SLC22A15: variants seen among roughly 807,000 people sequenced by gnomAD.
The protein encoded by SLC22A15 is solute carrier family 22 member 15.
Under a neutral mutation model 62.7 loss-of-function variants are expected in SLC22A15, and 45 were observed. The observed-to-expected ratio is 0.72, with a 90% CI of 0.56 to 0.92. The LOEUF (loss-of-function observed/expected upper bound fraction) is 0.92. Ranked by LOEUF, SLC22A15 falls within the 40% of genes least tolerant of loss-of-function variation. The pLI is 0.00. For synonymous variants in SLC22A15, 264 were observed against 267.0 expected (o/e 0.99, Z 0.11); for missense variants, 622 against 665.6 (o/e 0.93, Z 0.72).
At chr1:116,054,513 C>A (rs1326520970) in intron 8 of SLC22A15, among the ~76,000 whole-genome samples, 3 of 152,134 alleles carry the variant, frequency 2.0e-5, no homozygotes, top group African/African-American at 7.2e-5. Context: ...GAAAGTTAAA[C>A]AAGGATACCC....
rs1658515286 is a variant in SLC22A15, at chr1:116,067,009, C to T, written c.1555-10C>T. Reference sequence around the variant, plus strand: ...TCATTTCACTGCCCTTTTCTTCTTTCCTGTTTCAGTGTGTGGACAAGGAGA... The same window carrying T: ...TCATTTCACTGCCCTTTTCTTCTTTTCTGTTTCAGTGTGTGGACAAGGAGA... On this transcript the variant is annotated splice_polypyrimidine_tract_variant and intron_variant, in intron 11 of 11. Coordinates refer to ENST00000369503, the MANE Select transcript of SLC22A15 (RefSeq NM_018420.3). 1 of 1,606,432 alleles carries T rather than the reference C, an allele frequency of 6.2e-7. No individual in the cohort carries two copies. The highest frequency in any genetic ancestry group is 1.7e-5 in the Admixed American group (1 of 59,392).
At chr1:115,999,825 C>A (rs1028917198) in intron 2 of SLC22A15, among the ~76,000 whole-genome samples, 1 of 152,058 alleles carries the variant, frequency 6.6e-6, no homozygotes, top group African/African-American at 2.4e-5. Context: ...TTCTTATATC[C>A]ACTTGCTGAA....
chr1:116,000,034 T>C (rs1001975789), intron 2 of SLC22A15, among the ~76,000 whole-genome samples: 1 of 152,156 alleles, frequency 6.6e-6, no homozygotes, highest in African/African-American at 2.4e-5. Context: ...AACAGATCAT[T>C]GGGTCTTGGT....
At chr1:116,031,134 A>G (rs1422407918) in intron 5 of SLC22A15, among the ~76,000 whole-genome samples, 1 of 152,142 alleles carries the variant, frequency 6.6e-6, no homozygotes, top group African/African-American at 2.4e-5. Flanking sequence ...TTGCTTTTTA[A>G]ACTGCAATTG....
At position 116,066,728 on chromosome 1, in the gene SLC22A15, T is replaced by A. The variant is rs1658508727; in HGVS notation, c.1554+20T>A. ...CAACAGGTGTGATATTTTTCTTAAT[T>A]ATTATACCGCTTGGATAGTGGCAGT... is the stretch of plus-strand genomic sequence containing the variant. On this transcript the variant is annotated intron_variant, in intron 11 of 11. Coordinates refer to ENST00000369503, the MANE Select transcript of SLC22A15 (RefSeq NM_018420.3). 1 of 1,598,042 alleles carries A rather than the reference T, an allele frequency of 6.3e-7. No individual in the cohort carries two copies. Among genetic ancestry groups the A allele is most frequent in the African/African-American group, 1.3e-5 (1 of 74,366 alleles).
At position 116,067,184 on chromosome 1, in the gene SLC22A15, C is replaced by T. The variant is rs779974001; in HGVS notation, c.*76C>T. 1.8e-6 allele frequency: 2 copies of T among 1,098,242 alleles called. No individual in the cohort carries two copies. The highest frequency in any genetic ancestry group is 2.7e-6 in the Non-Finnish European group (2 of 735,768). The allele number at this position is 1,098,242 out of a possible 1,614,324, so 68.0% of individuals were successfully genotyped here. On this transcript the variant is annotated 3_prime_UTR_variant, in exon 12 of 12. Transcript: ENST00000369503. ...GCTAAGGCAGGTTCTTCCATGACTCCTAAGAGAGTTGTAAAAATAGAGGCT... is the reference window on the plus strand; with the variant it reads ...GCTAAGGCAGGTTCTTCCATGACTCTTAAGAGAGTTGTAAAAATAGAGGCT...
At chr1:116,060,898 G>A (rs1438464317) in intron 8 of SLC22A15, among the ~76,000 whole-genome samples, 1 of 152,224 alleles carries the variant, frequency 6.6e-6, no homozygotes, top group Non-Finnish European at 1.5e-5. Context: ...GCTCCAGAAG[G>A]TGGAGTCTGG....
intron 4 of SLC22A15, among the ~76,000 whole-genome samples, chr1:116,021,524 G>A (rs1007941355): frequency 1.6e-4 from 25 of 152,234 alleles, no homozygotes; most frequent in African/African-American, 5.8e-4. Flanking sequence ...ATAACTTTTT[G>A]TTTCTTTTAC....
intron 8 of SLC22A15, among the ~76,000 whole-genome samples, chr1:116,037,714 G>T (rs1165232250): frequency 2.0e-5 from 3 of 152,116 alleles, no homozygotes; most frequent in Non-Finnish European, 4.4e-5. Flanking sequence ...CTTCATCCAA[G>T]GTTGCAAATT....
At chr1:116,015,106 A>C (rs559205999) in intron 2 of SLC22A15, 2 of 152,312 alleles carry the variant, frequency 1.3e-5, no homozygotes, top group Non-Finnish European at 2.9e-5. Flanking sequence ...CAAAACATTT[A>C]AACCAATATC....
intron 2 of SLC22A15, among the ~76,000 whole-genome samples, chr1:115,994,093 G>C (rs540734340): frequency 2.0e-4 from 30 of 152,206 alleles, no homozygotes; most frequent in Non-Finnish European, 3.2e-4. Context: ...ACTGTTGTTT[G>C]TGGTTCAGCT....
At position 116,020,817 on chromosome 1, in the gene SLC22A15, G is replaced by A. The variant is rs919763483; in HGVS notation, c.530G>A (p.Gly177Glu). The change falls in exon 4 of 12, where the codon GGA (glycine) becomes GAA (glutamate). Residue 177 changes from glycine to glutamate, a missense_variant. Coordinates refer to ENST00000369503, the MANE Select transcript of SLC22A15 (RefSeq NM_018420.3). ...CGCTTCCTGGTGGGCATGATGAATG[G>A]AGGGATGTCGCTGGTGGCCTTTGTC... ...VTRFLVGMMNGGMSLVAFVLL... is the reference protein window; with the variant it reads ...VTRFLVGMMNEGMSLVAFVLL... The A allele has an allele frequency of 3.1e-6, 5 of 1,613,860 alleles. No homozygotes were observed. The highest frequency in any genetic ancestry group is 4.2e-6 in the Non-Finnish European group (5 of 1,179,800).
At chr1:115,997,633 A>AT (rs1245768379) in intron 2 of SLC22A15, among the ~76,000 whole-genome samples, 2 of 151,876 alleles carry the variant, frequency 1.3e-5, no homozygotes, top group East Asian at 3.8e-4. Context: ...AATGCCCCTG[A>AT]TTTTATATGT....
chr1:116,020,601 A>G lies in SLC22A15; in HGVS notation c.434-120A>G, dbSNP rs559820323. ...AAAAAAAACAAAAAGAAACCCACAAAAACAGCTCAGAAAATTTAAGTTTAC... is the reference window on the plus strand; with the variant it reads ...AAAAAAAACAAAAAGAAACCCACAAGAACAGCTCAGAAAATTTAAGTTTAC... On this transcript the variant is annotated intron_variant, in intron 3 of 11. Coordinates refer to ENST00000369503, the MANE Select transcript of SLC22A15 (RefSeq NM_018420.3). 3 of 911,832 alleles carry G rather than the reference A, an allele frequency of 3.3e-6. No individual in the cohort carries two copies. The African/African-American group carries it at 5.2e-5, about 16-fold the overall frequency. The allele number at this position is 911,832 out of a possible 1,614,324, so 56.5% of individuals were successfully genotyped here.
At chr1:115,978,850 G>A (rs1345972175) in intron 1 of SLC22A15, among the ~76,000 whole-genome samples, 2 of 152,156 alleles carry the variant, frequency 1.3e-5, no homozygotes, top group Non-Finnish European at 2.9e-5. Context: ...AGCAGAGTAA[G>A]AAGCCCTTTT....
chr1:115,992,782 T>A (rs1435173645), intron 2 of SLC22A15, among the ~76,000 whole-genome samples: 1 of 148,020 alleles, frequency 6.8e-6, no homozygotes, highest in African/African-American at 2.6e-5. Flanking sequence ...CCACCATGCC[T>A]GGCTAATTTT....
chr1:115,993,573 A>T (rs1268963128), intron 2 of SLC22A15, among the ~76,000 whole-genome samples: 2 of 152,230 alleles, frequency 1.3e-5, no homozygotes, highest in East Asian at 3.9e-4. Context: ...AAGGGGAGAC[A>T]TGCCAAGGAT....
Position 116,019,526 on chromosome 1 carries a change from T to G in SLC22A15, c.301-56T>G, listed in dbSNP as rs1004261570. The G allele has an allele frequency of 1.6e-5, 24 of 1,521,398 alleles. 1 individual carries two copies. The highest frequency in any genetic ancestry group is 3.5e-4 in the Middle Eastern group (2 of 5,718). The allele number at this position is 1,521,398 out of a possible 1,614,324, so 94.2% of individuals were successfully genotyped here. ...GTACAAGTTTTTGTTGCACATTTGG[T>G]TTTTTAATAGCTAACTGAATCCTAC... On this transcript the variant is annotated intron_variant, in intron 2 of 11. Transcript: ENST00000369503.
At chr1:116,053,779 C>T (rs1399028976) in intron 8 of SLC22A15, among the ~76,000 whole-genome samples, 1 of 151,814 alleles carries the variant, frequency 6.6e-6, no homozygotes, top group Non-Finnish European at 1.5e-5. Context: ...AATTTTCAAC[C>T]CAGAATTTCA....
Sources: allele counts gnomAD v4.1 joint callset (sites outside exome capture counted in the v4.1 genomes callset), GRCh38; gene constraint gnomAD v4.1.1; transcripts MANE v1.5; gene names NCBI Gene and HGNC (gene_info 2026-07-23, HGNC 2026-07-21).